The following USP47 variants were observed in gnomAD, a reference collection of about 807,000 sequenced individuals.
USP47 encodes ubiquitin specific peptidase 47.
A neutral mutation model predicts 165.1 loss-of-function variants in USP47; 35 were observed. That is an observed-to-expected ratio of 0.21 (90% CI 0.16 to 0.28). The LOEUF (loss-of-function observed/expected upper bound fraction) is 0.28. USP47 is among the 10% of genes least tolerant of loss of function. USP47 has a pLI of 1.00. For synonymous variants in USP47, 531 were observed against 544.5 expected (o/e 0.98, Z 0.35); for missense variants, 1,277 against 1,607.4 (o/e 0.79, Z 3.52).
chr11:11,877,862 C>T lies in USP47; in HGVS notation c.40-2315C>T, dbSNP rs1008646513. Among the ~76,000 whole-genome samples, 301 of 94,556 alleles carry T rather than the reference C, an allele frequency of 3.2e-3. 5 individuals are homozygous for T. The highest frequency in any genetic ancestry group is 0.014 in the African/African-American group (287 of 20,214). 62.0% of individuals were successfully genotyped at this position (94,556 alleles called of 152,430 possible). On this transcript the variant is annotated intron_variant, in intron 1 of 27. Coordinates refer to ENST00000527733, the MANE Select transcript of USP47 (RefSeq NM_001282659.2). The stretch of plus-strand genomic sequence containing the variant: ...GTGTGTGTGTGTGTGTGTGTGTGCG[C>T]GCGCGCAGATAAGATATTTGGAAGG...
intron 1 of USP47, among the ~76,000 whole-genome samples, chr11:11,854,191 C>T (rs542403945): frequency 6.8e-6 from 1 of 146,072 alleles, no homozygotes; most frequent in South Asian, 2.2e-4. Context: ...GAAAATTCTC[C>T]TCTTTCAACC....
At chr11:11,848,230 A>G (rs191851034) in intron 1 of USP47, among the ~76,000 whole-genome samples, 68 of 152,368 alleles carry the variant, frequency 4.5e-4, no homozygotes, top group African/African-American at 1.6e-3. Context: ...GAAATGTATC[A>G]TTAGACATCA....
intron 1 of USP47, among the ~76,000 whole-genome samples, chr11:11,866,896 A>G (rs1371052062): frequency 6.7e-6 from 1 of 150,210 alleles, no homozygotes; most frequent in African/African-American, 2.4e-5. Flanking sequence ...TTTAATTTTT[A>G]ATTTTTACTT....
At chr11:11,924,883 A>G (rs1051119646) in intron 11 of USP47, among the ~76,000 whole-genome samples, 5 of 151,118 alleles carry the variant, frequency 3.3e-5, no homozygotes, top group African/African-American at 4.9e-5. Flanking sequence ...AGATTTACCA[A>G]TTGTATTGGG....
At chr11:11,905,608 G>T in intron 8 of USP47, 60 bp downstream of exon 8, 1 of 1,454,516 alleles carries the variant, frequency 6.9e-7, no homozygotes, top group South Asian at 1.5e-5. Context: ...ATAGCACAGT[G>T]GTATAATCTC....
chr11:11,926,413 G>A (rs1590394268), intron 11 of USP47, among the ~76,000 whole-genome samples: 1 of 152,036 alleles, frequency 6.6e-6, no homozygotes, highest in African/African-American at 2.4e-5. Flanking sequence ...TTCATAAGCT[G>A]TTAAACGTTT....
intron 1 of USP47, among the ~76,000 whole-genome samples, chr11:11,876,457 A>G (rs1356418624): frequency 1.3e-5 from 2 of 152,162 alleles, no homozygotes; most frequent in Non-Finnish European, 2.9e-5. Context: ...ATCTATTACT[A>G]TGTAACAGTG....
intron 1 of USP47, among the ~76,000 whole-genome samples, chr11:11,877,805 CTGTGTGTGTGTGTG>C (rs10577564): frequency 0.075 from 5,299 of 70,962 alleles, 147 homozygotes; most frequent in Admixed American, 0.096. Context: ...CTCTCTCTCT[CTGTGTGTGTGTGTG>C]TGTGTGTGTG....
At chr11:11,894,685 A>G (rs1851740316) in intron 4 of USP47, among the ~76,000 whole-genome samples, 2 of 152,194 alleles carry the variant, frequency 1.3e-5, no homozygotes, top group South Asian at 4.1e-4. Context: ...TGCACCAAGT[A>G]TTTACAGAAC....
chr11:11,917,195 A>G (rs1374309611), intron 8 of USP47, among the ~76,000 whole-genome samples: 1 of 152,198 alleles, frequency 6.6e-6, no homozygotes, highest in Non-Finnish European at 1.5e-5. Flanking sequence ...GAAGAACAAC[A>G]TGCAAATCCT....
intron 1 of USP47, among the ~76,000 whole-genome samples, chr11:11,851,564 T>C (rs934227979): frequency 7.9e-5 from 12 of 152,220 alleles, no homozygotes; most frequent in Non-Finnish European, 1.3e-4. Context: ...TAACATCTTA[T>C]ATAACCATAG....
At chr11:11,929,189 A>G (rs984614240) in intron 11 of USP47, among the ~76,000 whole-genome samples, 1 of 152,078 alleles carries the variant, frequency 6.6e-6, no homozygotes, top group East Asian at 1.9e-4. Context: ...ACAGATATAT[A>G]TGGTTTCAAA....
Position 11,942,835 on chromosome 11 carries a change from C to T in USP47, c.2814C>T (p.Asp938=). The change falls in exon 20 of 28, where the codon GAC becomes GAT. Residue 938 remains aspartate (D), a synonymous_variant. Transcript: ENST00000527733. ...ATGACAGGAGTACAAGTTCAGTGGA[C>T]AGTGATATTCTTAGCTCCAGTCATA... is the stretch of plus-strand genomic sequence containing the variant. ...VNNDRSTSSV[D]SDILSSSHSS... is the part of the protein sequence containing the mutation. 1 of 1,613,694 alleles carries T rather than the reference C, an allele frequency of 6.2e-7. No individual in the cohort carries two copies. The highest frequency in any genetic ancestry group is 8.5e-7 in the Non-Finnish European group (1 of 1,179,770).
At chr11:11,903,462 C>A in intron 7 of USP47, 120 bp downstream of exon 7, 1 of 850,540 alleles carries the variant, frequency 1.2e-6, no homozygotes, top group Non-Finnish European at 1.8e-6. Context: ...GTTAAAGTAC[C>A]CAATGGGAAA....
chr11:11,932,337 G>A (rs937559027), intron 14 of USP47, among the ~76,000 whole-genome samples: 4 of 152,140 alleles, frequency 2.6e-5, no homozygotes, highest in South Asian at 2.1e-4. Context: ...AGATTTGGGC[G>A]AGGACAGATG....
At chr11:11,906,516 A>G (rs1852575400) in intron 8 of USP47, among the ~76,000 whole-genome samples, 3 of 152,136 alleles carry the variant, frequency 2.0e-5, no homozygotes, top group Admixed American at 2.0e-4. Context: ...CTACCTTTAT[A>G]TGGCTATTAG....
intron 5 of USP47, among the ~76,000 whole-genome samples, chr11:11,900,937 G>A (rs768408357): frequency 3.0e-4 from 45 of 152,162 alleles, no homozygotes; most frequent in Non-Finnish European, 6.2e-4. Context: ...TTTTCTCACA[G>A]TTAACAAGAG....
chr11:11,862,597 A>G (rs1388820189), intron 1 of USP47, among the ~76,000 whole-genome samples: 1 of 152,292 alleles, frequency 6.6e-6, no homozygotes, highest in Admixed American at 6.5e-5. Flanking sequence ...GGAAAATAAA[A>G]TTTTTTGAGA....
intron 1 of USP47, among the ~76,000 whole-genome samples, chr11:11,874,190 C>T (rs1356969415): frequency 6.6e-6 from 1 of 152,074 alleles, no homozygotes; most frequent in Non-Finnish European, 1.5e-5. Context: ...TAAAAATTTA[C>T]AAAGTCAAAA....
Sources: allele counts gnomAD v4.1 joint callset (sites outside exome capture counted in the v4.1 genomes callset), GRCh38; gene constraint gnomAD v4.1.1; transcripts MANE v1.5; gene names NCBI Gene and HGNC (gene_info 2026-07-23, HGNC 2026-07-21).